ACCSL: variants seen among roughly 807,000 people sequenced by gnomAD.
The protein encoded by ACCSL is probable inactive 1-aminocyclopropane-1-carboxylate synthase-like protein 2.
A neutral mutation model predicts 61.7 loss-of-function variants in ACCSL; 55 were observed. That is an observed-to-expected ratio of 0.89 (90% CI 0.72 to 1.12). ACCSL has a LOEUF of 1.12. ACCSL is among the 50% of genes most tolerant of loss of function. The pLI is 0.00. For synonymous variants in ACCSL, 258 were observed against 264.3 expected, an observed-to-expected ratio of 0.98 and a Z score of 0.23; for missense variants, 632 against 698.0, an observed-to-expected ratio of 0.91 and a Z score of 1.07.
At chr11:44,038,919 A>C in the ACCSL span, among the ~76,000 whole-genome samples, 828 of 152,226 alleles carry the variant, frequency 5.4e-3, 8 homozygotes, top group South Asian at 9.1e-3. Context: ...CAGTCTCTGT[A>C]AGGTGAAGGG....
chr11:43,996,275 C>T, the ACCSL span, among the ~76,000 whole-genome samples: 4 of 152,206 alleles, frequency 2.6e-5, no homozygotes, highest in African/African-American at 7.2e-5. Context: ...ATGAAAACAC[C>T]ATAGATGGCT....
intron 1 of ACCSL, among the ~76,000 whole-genome samples, 170 bp downstream of exon 1, chr11:44,048,710 C>A (rs867581126): frequency 1.3e-5 from 2 of 152,086 alleles, no homozygotes; most frequent in Non-Finnish European, 2.9e-5. Context: ...AAGTGACATG[C>A]CCCAGAAAGT....
chr11:43,985,202 C>G, the ACCSL span, among the ~76,000 whole-genome samples: 2 of 152,234 alleles, frequency 1.3e-5, no homozygotes, highest in African/African-American at 4.8e-5. Context: ...CTCCGCCCCC[C>G]TCCCAGTGTG....
the ACCSL span, among the ~76,000 whole-genome samples, chr11:43,961,380 A>C: frequency 6.6e-6 from 1 of 152,186 alleles, no homozygotes; most frequent in African/African-American, 2.4e-5. Flanking sequence ...TCCCGGGGAC[A>C]AGATTAAATT....
At chr11:43,954,146 G>A in the ACCSL span, among the ~76,000 whole-genome samples, 2 of 152,192 alleles carry the variant, frequency 1.3e-5, no homozygotes, top group Non-Finnish European at 2.9e-5. Context: ...ACCTGGAATT[G>A]TAAGTAGATG....
chr11:43,951,364 A>G, the ACCSL span, among the ~76,000 whole-genome samples: 1 of 152,190 alleles, frequency 6.6e-6, no homozygotes, highest in African/African-American at 2.4e-5. Context: ...GAATGGTGTT[A>G]TCTTCCCACT....
At chr11:43,943,502 A>C in the ACCSL span, 1 of 1,366,676 alleles carries the variant, frequency 7.3e-7, no homozygotes, top group Non-Finnish European at 9.7e-7. This position sits in a 1 kb window ranked among gnomAD's most constrained non-coding sequence, Gnocchi z 4.8. Flanking sequence ...CGTCCTTGTA[A>C]ATGTTTATTT....
At chr11:44,016,724 C>A in the ACCSL span, among the ~76,000 whole-genome samples, 1 of 152,178 alleles carries the variant, frequency 6.6e-6, no homozygotes, top group East Asian at 1.9e-4. Flanking sequence ...ATCCAGCAGA[C>A]AAGTATGTGG....
At chr11:43,964,268 C>A in the ACCSL span, among the ~76,000 whole-genome samples, 5 of 151,654 alleles carry the variant, frequency 3.3e-5, 1 homozygote, top group Admixed American at 2.0e-4. Flanking sequence ...ACGGTGAAAC[C>A]CCGTCTCTAC....
the ACCSL span, among the ~76,000 whole-genome samples, chr11:44,018,716 T>G: frequency 1.3e-5 from 2 of 152,148 alleles, no homozygotes; most frequent in African/African-American, 2.4e-5. Context: ...GCCTGTAATC[T>G]CAGCACATTG....
chr11:44,053,639 A>G, intron 8 of ACCSL, 133 bp downstream of exon 8: 5 of 765,068 alleles, frequency 6.5e-6, no homozygotes, highest in Non-Finnish European at 8.5e-6. Context: ...GAGAAGGTGG[A>G]TCACTTGAGG....
chr11:43,961,113 G>A, the ACCSL span, among the ~76,000 whole-genome samples: 1 of 152,162 alleles, frequency 6.6e-6, no homozygotes, highest in Non-Finnish European at 1.5e-5. Context: ...GAGCCACCGC[G>A]CCTGGCTTCT....
At chr11:43,943,713 G>A in the ACCSL span, 5 of 1,304,324 alleles carry the variant, frequency 3.8e-6, no homozygotes, top group African/African-American at 7.6e-5. The surrounding 1 kb of genome is among the most constrained non-coding windows in gnomAD (Gnocchi z 4.8). Flanking sequence ...TAATTGTTAG[G>A]CGTGGCCGTT....
chr11:44,052,958 A>G, intron 6 of ACCSL, 33 bp from the exon 7 acceptor site: 1 of 1,597,338 alleles, frequency 6.3e-7, no homozygotes, highest in Non-Finnish European at 8.6e-7. Context: ...TTAGATTTTA[A>G]GAGACACTTC....
the ACCSL span, among the ~76,000 whole-genome samples, chr11:43,979,056 G>A: frequency 6.6e-6 from 1 of 152,074 alleles, no homozygotes; most frequent in East Asian, 1.9e-4. Context: ...GGGTCAGAGA[G>A]GTCCCTTCAT....
the ACCSL span, among the ~76,000 whole-genome samples, chr11:43,934,508 G>A: frequency 6.6e-6 from 1 of 152,178 alleles, no homozygotes; most frequent in Non-Finnish European, 1.5e-5. Flanking sequence ...ACACGTACAA[G>A]CGGTGGCTGG....
the ACCSL span, among the ~76,000 whole-genome samples, chr11:43,987,559 G>A: frequency 1.4e-4 from 22 of 152,258 alleles, no homozygotes; most frequent in East Asian, 4.3e-3. Flanking sequence ...GTCTGGGAAT[G>A]GAGGGAAGCA....
chr11:44,056,140 A>T, intron 10 of ACCSL, 45 bp from the exon 11 acceptor site: 1 of 1,614,196 alleles, frequency 6.2e-7, no homozygotes, highest in Non-Finnish European at 8.5e-7. Flanking sequence ...CAGGAATAGA[A>T]GGCAGACAAA....
the ACCSL span, among the ~76,000 whole-genome samples, chr11:43,975,675 C>T: frequency 4.0e-5 from 6 of 151,876 alleles, no homozygotes; most frequent in Non-Finnish European, 7.4e-5. Context: ...ATTATATCAG[C>T]AAAAACATCA....
Sources: allele counts gnomAD v4.1 joint callset (sites outside exome capture counted in the v4.1 genomes callset), GRCh38; gene constraint gnomAD v4.1.1; non-coding constraint Gnocchi (gnomAD v3.1); transcripts MANE v1.5; gene names NCBI Gene and HGNC (gene_info 2026-07-23, HGNC 2026-07-21).